NOL4: variants seen among roughly 807,000 people sequenced by gnomAD.
The protein encoded by NOL4 is nucleolar protein 4.
NOL4 carries 17 observed loss-of-function variants against 75.9 expected under a neutral mutation model. That is an observed-to-expected ratio of 0.22 (90% CI 0.15 to 0.34). The LOEUF (loss-of-function observed/expected upper bound fraction) is 0.34. Among genes scored for constraint, NOL4 ranks in the 10% least tolerant of loss-of-function variants. The probability of loss-of-function intolerance (pLI) is 1.00; values close to 1 mark genes in which losing one functional copy is unlikely to be tolerated. For synonymous variants in NOL4, 292 were observed against 289.9 expected, an observed-to-expected ratio of 1.01 and a Z score of -0.07; for missense variants, 614 against 793.5, an observed-to-expected ratio of 0.77 and a Z score of 2.72.
At chr18:33,956,550 G>A (rs1186120606) in intron 8 of NOL4, among the ~76,000 whole-genome samples, 3 of 152,064 alleles carry the variant, frequency 2.0e-5, no homozygotes, top group Admixed American at 1.3e-4. Flanking sequence ...ACAAAATTTC[G>A]AAACTGCTCA....
chr18:34,165,839 A>T (rs2146217518), intron 1 of NOL4, among the ~76,000 whole-genome samples: 1 of 152,094 alleles, frequency 6.6e-6, no homozygotes. Flanking sequence ...ATAATTGAAT[A>T]ATAACAATAC....
intron 1 of NOL4, among the ~76,000 whole-genome samples, chr18:34,195,627 CAA>C (rs1246973156): frequency 2.8e-5 from 3 of 107,736 alleles, no homozygotes; most frequent in Non-Finnish European, 4.1e-5. Flanking sequence ...TGTTACTTTT[CAA>C]AAAAAAAAAA....
intron 10 of NOL4, among the ~76,000 whole-genome samples, chr18:33,862,498 A>G (rs1294214951): frequency 6.6e-6 from 1 of 152,214 alleles, no homozygotes; most frequent in Non-Finnish European, 1.5e-5. Flanking sequence ...ACAAAATGGG[A>G]GAAAATTTTC....
At chr18:34,068,555 A>C (rs2077377729) in intron 5 of NOL4, among the ~76,000 whole-genome samples, 1 of 151,854 alleles carries the variant, frequency 6.6e-6, no homozygotes, top group South Asian at 2.1e-4. Flanking sequence ...TCGTGCCACC[A>C]CGCCCAGCTA....
intron 5 of NOL4, among the ~76,000 whole-genome samples, chr18:34,024,194 A>AAATATATATATATATATATAT: frequency 2.1e-4 from 15 of 70,678 alleles, no homozygotes; most frequent in South Asian, 3.6e-4. Flanking sequence ...AAAAAAAAAA[A>AAATATATATATATATATATAT]ATATATATAT....
intron 5 of NOL4, among the ~76,000 whole-genome samples, chr18:34,040,623 C>T (rs1291307474): frequency 2.0e-5 from 3 of 151,894 alleles, no homozygotes; most frequent in South Asian, 2.1e-4. Context: ...GTCTGAGATA[C>T]GAACAGAGAT....
intron 1 of NOL4, among the ~76,000 whole-genome samples, chr18:34,135,401 T>TA (rs768929908): frequency 2.6e-5 from 4 of 152,060 alleles, no homozygotes; most frequent in African/African-American, 4.8e-5. Flanking sequence ...AATTAGTAAT[T>TA]AAAAAAGCTA....
chr18:34,177,706 T>C (rs1346326454), intron 1 of NOL4, among the ~76,000 whole-genome samples: 1 of 151,864 alleles, frequency 6.6e-6, no homozygotes, highest in Non-Finnish European at 1.5e-5. Flanking sequence ...AGCCAGAATG[T>C]ACATAGTCAA....
At chr18:33,923,386 A>T (rs1001066892) in intron 9 of NOL4, among the ~76,000 whole-genome samples, 15 of 151,748 alleles carry the variant, frequency 9.9e-5, no homozygotes, top group East Asian at 1.9e-4. Flanking sequence ...TTGAAATAGA[A>T]TTTTTTTTGC....
chr18:33,981,670 G>T (rs1004275287), intron 6 of NOL4, among the ~76,000 whole-genome samples: 1 of 152,086 alleles, frequency 6.6e-6, no homozygotes. Context: ...GACCTGGCTT[G>T]CAGGAGATGT....
chr18:34,101,723 G>A (rs771584716), intron 4 of NOL4, among the ~76,000 whole-genome samples: 1 of 151,950 alleles, frequency 6.6e-6, no homozygotes, highest in African/African-American at 2.4e-5. Flanking sequence ...TACCCACACT[G>A]ATTTCTGTAA....
Position 34,213,628 on chromosome 18 carries a change from G to A in NOL4, c.264+9362C>T, listed in dbSNP as rs139152647. On this transcript the variant is annotated intron_variant, in intron 1 of 10. Coordinates refer to ENST00000261592, the MANE Select transcript of NOL4 (RefSeq NM_003787.5). ...GAATTAATGTCATGATCTCTGGAGT[G>A]AGTTCCTAATAAAATAATGCGTTTA... Among the ~76,000 whole-genome samples, 421 of 152,238 alleles carry A rather than the reference G, an allele frequency of 2.8e-3. 1 individual carries two copies. Among genetic ancestry groups the A allele is most frequent in the Admixed American group, 6.1e-3 (93 of 15,300 alleles).
At chr18:34,186,780 TTTTG>T (rs1311941960) in intron 1 of NOL4, among the ~76,000 whole-genome samples, 3 of 152,206 alleles carry the variant, frequency 2.0e-5, no homozygotes, top group African/African-American at 7.2e-5. Flanking sequence ...AACACATGGA[TTTTG>T]TTTTTGTTGG....
Position 33,967,824 on chromosome 18 carries a change from C to T in NOL4, c.1057-9406G>A, listed in dbSNP as rs554376083. 7.2e-5 allele frequency among the ~76,000 whole-genome samples: 11 copies of T among 152,296 alleles called. No homozygotes were observed. In the East Asian group the frequency reaches 2.1e-3, roughly 30 times the overall value. On this transcript the variant is annotated intron_variant, in intron 6 of 10. Coordinates refer to ENST00000261592, the MANE Select transcript of NOL4 (RefSeq NM_003787.5). Reference sequence around the variant, plus strand: ...AAAAAATAATCTGGGCACGGTGGCTCATGCCTGTAATCCCAGCACTTGGGG... The same window carrying T: ...AAAAAATAATCTGGGCACGGTGGCTTATGCCTGTAATCCCAGCACTTGGGG...
At chr18:33,918,954 A>G (rs1354176451) in intron 9 of NOL4, among the ~76,000 whole-genome samples, 1 of 152,164 alleles carries the variant, frequency 6.6e-6, no homozygotes, top group African/African-American at 2.4e-5. Flanking sequence ...TAATATAGAT[A>G]GATTAGTATC....
intron 3 of NOL4, 33 bp downstream of exon 3, chr18:34,105,016 A>C (rs2079205385): frequency 7.5e-7 from 1 of 1,328,000 alleles, no homozygotes; most frequent in Non-Finnish European, 1.1e-6. Flanking sequence ...GAATAAAATT[A>C]CTTTAAATCT....
intron 1 of NOL4, among the ~76,000 whole-genome samples, chr18:34,220,812 C>T (rs536286410): frequency 6.6e-6 from 1 of 152,210 alleles, no homozygotes; most frequent in East Asian, 1.9e-4. Flanking sequence ...TAACAATCAC[C>T]TGATGAATTA....
At position 34,213,257 on chromosome 18, in the gene NOL4, G is replaced by A. The variant is rs779502453; in HGVS notation, c.264+9733C>T. 2.6e-5 allele frequency among the ~76,000 whole-genome samples: 4 copies of A among 152,038 alleles called. No individual in the cohort carries two copies. The East Asian group carries it at 7.7e-4, about 29-fold the overall frequency. On this transcript the variant is annotated intron_variant, in intron 1 of 10. Transcript: ENST00000261592. ...AAGTGGAACCTTCAAGAGGTGATTA[G>A]GTCCTGAGGGCTCTGTTCTTATTTA...
chr18:34,041,578 T>C (rs1397785274), intron 5 of NOL4, among the ~76,000 whole-genome samples: 4 of 151,998 alleles, frequency 2.6e-5, no homozygotes, highest in African/African-American at 9.7e-5. Flanking sequence ...TTCTAGGAAG[T>C]GAATTCACAT....
Sources: allele counts gnomAD v4.1 joint callset (sites outside exome capture counted in the v4.1 genomes callset), GRCh38; gene constraint gnomAD v4.1.1; transcripts MANE v1.5; gene names NCBI Gene and HGNC (gene_info 2026-07-23, HGNC 2026-07-21).